PRKAG2: variants seen among roughly 807,000 people sequenced by gnomAD.
The protein encoded by PRKAG2 is protein kinase AMP-activated non-catalytic subunit gamma 2.
A neutral mutation model predicts 69.6 loss-of-function variants in PRKAG2; 26 were observed. The ratio of observed to expected loss-of-function variants is 0.37; its 90% CI spans 0.27 to 0.52. The LOEUF (loss-of-function observed/expected upper bound fraction) is 0.52, where lower values mean the gene tolerates loss of function less well. PRKAG2 is among the 20% of genes least tolerant of loss of function. The probability of loss-of-function intolerance (pLI) is 0.90; values close to 1 mark genes in which losing one functional copy is unlikely to be tolerated. For missense variants in PRKAG2, 557 were observed against 740.0 expected (o/e 0.75, Z 2.87); for synonymous variants, 293 against 285.0 (o/e 1.03, Z -0.28).
chr7:151,735,978 T>C, intron 3 of PRKAG2: 1 of 1,536,228 alleles, frequency 6.5e-7, no homozygotes, highest in Non-Finnish European at 8.7e-7. Flanking sequence ...CTCCTGAGGC[T>C]CCCAAAGCGC....
In PRKAG2 at chr7:151,839,305, T is replaced by C. The variant is rs529247432; in HGVS notation, c.114+37202A>G. Among the ~76,000 whole-genome samples, 8 of 152,330 alleles carry C rather than the reference T, an allele frequency of 5.3e-5. No individual in the cohort carries two copies. In the East Asian group the frequency reaches 1.5e-3, roughly 29 times the overall value. ...GTAGAAGGAGGAAGTCAAGTGATGCTGGGGCAAGGCAGCGTGGCCGGGCAC... is the reference window on the plus strand; with the variant it reads ...GTAGAAGGAGGAAGTCAAGTGATGCCGGGGCAAGGCAGCGTGGCCGGGCAC... On this transcript the variant is annotated intron_variant, in intron 1 of 15. Transcript: ENST00000287878.
Position 151,781,528 on chromosome 7 carries a change from G to T in PRKAG2, c.187-97C>A. 1 of 1,424,724 alleles carries T rather than the reference G, an allele frequency of 7.0e-7. No homozygotes were observed. The highest frequency in any genetic ancestry group is 9.6e-7 in the Non-Finnish European group (1 of 1,046,788). The allele number at this position is 1,424,724 out of a possible 1,614,324, so 88.3% of individuals were successfully genotyped here. A position where few individuals can be genotyped will look rare whatever the true frequency, so the allele number is the denominator to read the frequency against. ...CTTATCATTGTCCTCTCTCACATGC[G>T]GGCCCCCCATAGTACCCTCCCAGAG... On this transcript the variant is annotated intron_variant, in intron 2 of 15. Transcript: ENST00000287878. The surrounding 1 kb of genome is among the most constrained non-coding windows in gnomAD (Gnocchi z 6.1).
At chr7:151,674,778 A>C (rs562008193) in intron 4 of PRKAG2, among the ~76,000 whole-genome samples, 1 of 147,218 alleles carries the variant, frequency 6.8e-6, no homozygotes, top group Admixed American at 6.7e-5. Flanking sequence ...TTTTTGCTTT[A>C]CCTATGACAT....
chr7:151,844,120 T>C (rs996883108), intron 1 of PRKAG2, among the ~76,000 whole-genome samples: 28 of 152,114 alleles, frequency 1.8e-4, no homozygotes, highest in African/African-American at 6.8e-4. Flanking sequence ...TTCCCAGGGG[T>C]TGGGGAAGCC....
At chr7:151,621,952 C>A (rs1233963811) in intron 5 of PRKAG2, among the ~76,000 whole-genome samples, 6 of 152,292 alleles carry the variant, frequency 3.9e-5, no homozygotes, top group African/African-American at 1.4e-4. Context: ...TAAAGCTTTG[C>A]ATTTTCTCCC....
At chr7:151,688,998 T>C (rs1012274590) in intron 3 of PRKAG2, among the ~76,000 whole-genome samples, 4 of 152,200 alleles carry the variant, frequency 2.6e-5, no homozygotes, top group African/African-American at 9.7e-5. Flanking sequence ...CAGAAGTCTC[T>C]GAGGAGCCCT....
intron 1 of PRKAG2, among the ~76,000 whole-genome samples, chr7:151,795,939 ATATAT>A (rs2077513712): frequency 7.0e-6 from 1 of 143,164 alleles, no homozygotes; most frequent in African/African-American, 2.6e-5. Flanking sequence ...TATAGAGTTA[ATATAT>A]TATGTGATTA....
Position 151,632,533 on chromosome 7 carries a change from C to A in PRKAG2, c.685-395G>T. The A allele has an allele frequency of 5.1e-6, 5 of 978,778 alleles. No homozygotes were observed. Among genetic ancestry groups the A allele is most frequent in the Non-Finnish European group, 4.9e-6 (4 of 824,392 alleles). The allele number at this position is 978,778 out of a possible 1,614,324, so 60.6% of individuals were successfully genotyped here. On this transcript the variant is annotated intron_variant, in intron 4 of 15. Transcript: ENST00000287878. This position sits in a 1 kb window ranked among gnomAD's most constrained non-coding sequence, Gnocchi z 4.2. ...CGCCGTGCCGCCATTGGGAGAGGCC[C>A]GCGGCCCGCCCCCACTCCGCCCCCC...
chr7:151,560,544 G>A lies in PRKAG2; in HGVS notation c.1658C>T (p.Ala553Val), dbSNP rs2150971447. 6.2e-7 allele frequency: 1 copy of A among 1,614,092 alleles called. No individual in the cohort carries two copies. Among genetic ancestry groups the A allele is most frequent in the Non-Finnish European group, 8.5e-7 (1 of 1,179,986 alleles). Residue 553 changes from alanine to valine, a missense_variant, in exon 15 of 16, where the codon GCC (alanine) becomes GTC (valine). This residue lies in a region of PRKAG2 where 205 missense variants were observed against 383.4 expected (regional missense o/e 0.53). Coordinates refer to ENST00000287878, the MANE Select transcript of PRKAG2 (RefSeq NM_016203.4). The stretch of plus-strand genomic sequence containing the variant: ...TTTACCTGCTGGTGTGAGGATCAGG[G>A]CTTGCAGAATGTCCGACAGGGAAAT... ...GIISLSDILQALILTPAGAKQ... is the reference protein window; with the variant it reads ...GIISLSDILQVLILTPAGAKQ...
At chr7:151,688,378 T>G (rs1835099848) in intron 3 of PRKAG2, among the ~76,000 whole-genome samples, 1 of 152,200 alleles carries the variant, frequency 6.6e-6, no homozygotes, top group South Asian at 2.1e-4. Context: ...TTCATGCCAA[T>G]TGTCTGGCAA....
rs1159365237 is a variant in PRKAG2 at position 151,835,936 on chromosome 7, G to A, written c.114+40571C>T. Reference sequence around the variant, plus strand: ...CAGGGAGGCATCGGAGATGGGGACTGTGACGAGGCCAATCCACGGGCATTG... The same window carrying A: ...CAGGGAGGCATCGGAGATGGGGACTATGACGAGGCCAATCCACGGGCATTG... On this transcript the variant is annotated intron_variant, in intron 1 of 15. Coordinates refer to ENST00000287878, the MANE Select transcript of PRKAG2 (RefSeq NM_016203.4). The surrounding 1 kb of genome is among the most constrained non-coding windows in gnomAD (Gnocchi z 4.1). Among the ~76,000 whole-genome samples the A allele has an allele frequency of 1.3e-5, 2 of 152,202 alleles. No individual in the cohort carries two copies. Among genetic ancestry groups the A allele is most frequent in the Admixed American group, 6.5e-5 (1 of 15,284 alleles).
At chr7:151,795,887 A>C (rs1041805248) in intron 1 of PRKAG2, among the ~76,000 whole-genome samples, 168 of 107,508 alleles carry the variant, frequency 1.6e-3, no homozygotes, top group African/African-American at 4.9e-3. Context: ...ATATATATAT[A>C]TATCACGATA....
At chr7:151,578,850 G>A (rs1422154770) in intron 6 of PRKAG2, among the ~76,000 whole-genome samples, 3 of 152,092 alleles carry the variant, frequency 2.0e-5, no homozygotes, top group African/African-American at 7.2e-5. Context: ...TTTGTACCCT[G>A]GGCATCTCTG....
At chr7:151,730,949 G>T (rs1563544582) in intron 3 of PRKAG2, among the ~76,000 whole-genome samples, 1 of 152,118 alleles carries the variant, frequency 6.6e-6, no homozygotes, top group Non-Finnish European at 1.5e-5. Context: ...GTCTTACTGG[G>T]ACCCTGGGCA....
At chr7:151,562,043 G>A (rs985071677) in intron 14 of PRKAG2, among the ~76,000 whole-genome samples, 4 of 149,296 alleles carry the variant, frequency 2.7e-5, no homozygotes, top group African/African-American at 4.9e-5. Context: ...TCAAGTGCTC[G>A]AGACCAGCCT....
intron 1 of PRKAG2, among the ~76,000 whole-genome samples, chr7:151,874,005 T>A (rs188944161): frequency 6.7e-5 from 10 of 148,408 alleles, no homozygotes; most frequent in African/African-American, 2.0e-4. Flanking sequence ...ATGATGTATA[T>A]GTATAAGTAT....
chr7:151,648,660 C>A (rs1303216908), intron 4 of PRKAG2, among the ~76,000 whole-genome samples: 1 of 152,134 alleles, frequency 6.6e-6, no homozygotes, highest in South Asian at 2.1e-4. Context: ...TAAACTGTGA[C>A]CCACTCATGG....
chr7:151,574,876 A>C lies in PRKAG2; in HGVS notation c.1005+15T>G. The C allele has an allele frequency of 1.2e-6, 2 of 1,613,652 alleles. No individual in the cohort carries two copies. Among genetic ancestry groups the C allele is most frequent in the Non-Finnish European group, 1.7e-6 (2 of 1,179,732 alleles). On this transcript the variant is annotated intron_variant, in intron 8 of 15. Coordinates refer to ENST00000287878, the MANE Select transcript of PRKAG2 (RefSeq NM_016203.4). ...TACAGCTCCAACTACTGACATAGGA[A>C]CTGGTGCCACTTACCATAGGTGATT...
rs1024861986 is a variant in PRKAG2, at chr7:151,771,863, T to C, written c.466+9289A>G. The stretch of plus-strand genomic sequence containing the variant: ...CGGGCTTACATATGACCCACTGAAA[T>C]CCCTGGGTCAGTATAGCCATCATCT... On this transcript the variant is annotated intron_variant, in intron 3 of 15. Transcript: ENST00000287878. This position sits in a 1 kb window ranked among gnomAD's most constrained non-coding sequence, Gnocchi z 4.0. Among the ~76,000 whole-genome samples the C allele has an allele frequency of 7.2e-5, 11 of 152,194 alleles. No individual in the cohort carries two copies. Among genetic ancestry groups the C allele is most frequent in the African/African-American group, 2.7e-4 (11 of 41,430 alleles).
Sources: gnomAD v4.1 joint callset for allele counts (sites outside exome capture counted in the v4.1 genomes callset) on GRCh38, gnomAD v4.1.1 for gene constraint, gnomAD v4.1.1 regional missense constraint, Gnocchi (gnomAD v3.1) non-coding constraint, MANE v1.5 for transcripts, NCBI Gene and HGNC (gene_info 2026-07-23, HGNC 2026-07-21) for gene names.